Variants in RSPO2 observed in about 807,000 individuals in gnomAD.
The protein encoded by RSPO2 is R-spondin 2.
Under a neutral mutation model 30.9 loss-of-function variants are expected in RSPO2, and 14 were observed. The ratio of observed to expected loss-of-function variants is 0.45; its 90% CI spans 0.30 to 0.71. The LOEUF (loss-of-function observed/expected upper bound fraction) is 0.71. RSPO2 is among the 30% of genes least tolerant of loss of function. The probability of loss-of-function intolerance (pLI) is 0.08; values close to 1 mark genes in which losing one functional copy is unlikely to be tolerated. For synonymous variants in RSPO2, 107 were observed against 96.4 expected, an observed-to-expected ratio of 1.11 and a Z score of -0.64; for missense variants, 264 against 301.9, an observed-to-expected ratio of 0.87 and a Z score of 0.93.
chr8:107,903,468 ACCCAATAT>A (rs1811542899), intron 5 of RSPO2, among the ~76,000 whole-genome samples: 2 of 152,208 alleles, frequency 1.3e-5, no homozygotes, highest in African/African-American at 4.8e-5. Flanking sequence ...CGTTTCATTT[ACCCAATAT>A]ATTATTCTGA....
intron 2 of RSPO2, among the ~76,000 whole-genome samples, chr8:108,076,388 T>C (rs1198707480): frequency 6.6e-6 from 1 of 152,154 alleles, no homozygotes; most frequent in Non-Finnish European, 1.5e-5. Flanking sequence ...AAATGGAATG[T>C]GGCAGCACTG....
intron 5 of RSPO2, among the ~76,000 whole-genome samples, chr8:107,934,505 T>G (rs1478618015): frequency 6.6e-6 from 1 of 152,126 alleles, no homozygotes; most frequent in Non-Finnish European, 1.5e-5. Flanking sequence ...CCCAAGTAGC[T>G]GGGATTACAG....
Position 107,900,742 on chromosome 8 carries a change from T to C in RSPO2, c.*333A>G. ...GTAGCGCATTGCCTGCCAAGCATCT[T>C]CTTTCACATAAATAGGCACAAGTCC... On this transcript the variant is annotated 3_prime_UTR_variant, in exon 6 of 6. Transcript: ENST00000276659. 4.6e-6 allele frequency: 1 copy of C among 219,232 alleles called. No individual in the cohort carries two copies. Among genetic ancestry groups the C allele is most frequent in the Middle Eastern group, 1.6e-3 (1 of 636 alleles). 13.6% of individuals were successfully genotyped at this position (219,232 alleles called of 1,614,324 possible).
rs560855853 is a variant in RSPO2, at chr8:108,064,538, G to A, written c.94+18007C>T. Among the ~76,000 whole-genome samples the A allele has an allele frequency of 3.3e-5, 5 of 152,328 alleles. No individual in the cohort carries two copies. The South Asian group carries it at 1.0e-3, about 32-fold the overall frequency. ...TCAGGAAACAACAGGTGCTGGAGAG[G>A]ATGTGGAGAAATAGGAACACTTATA... On this transcript the variant is annotated intron_variant, in intron 2 of 5. Transcript: ENST00000276659.
intron 5 of RSPO2, among the ~76,000 whole-genome samples, chr8:107,928,451 C>T (rs192071742): frequency 6.6e-6 from 1 of 152,288 alleles, no homozygotes; most frequent in East Asian, 1.9e-4. Context: ...ACTGTAAAGA[C>T]TTCTCCAACA....
chr8:107,975,216 G>A (rs1039544492), intron 3 of RSPO2, among the ~76,000 whole-genome samples: 3 of 152,126 alleles, frequency 2.0e-5, no homozygotes, highest in Non-Finnish European at 4.4e-5. Context: ...ATCTTTACAT[G>A]ACTTTAAATG....
intron 5 of RSPO2, among the ~76,000 whole-genome samples, chr8:107,916,350 C>T (rs1160984953): frequency 6.6e-6 from 1 of 152,128 alleles, no homozygotes; most frequent in African/African-American, 2.4e-5. Flanking sequence ...CCATGCCCCA[C>T]CTAGTTACTA....
chr8:107,936,770 T>C (rs533143918), intron 5 of RSPO2, among the ~76,000 whole-genome samples: 5 of 152,182 alleles, frequency 3.3e-5, no homozygotes, highest in Non-Finnish European at 5.9e-5. Context: ...GTAATGTTGG[T>C]ATTTTTTCAT....
intron 3 of RSPO2, chr8:107,983,113 G>T (rs2130507541): frequency 1.4e-6 from 2 of 1,429,526 alleles, no homozygotes; most frequent in Admixed American, 2.1e-5. Flanking sequence ...TTACCCCAGG[G>T]TCTATGGAAG....
chr8:108,001,843 T>G (rs1001247673), intron 2 of RSPO2, among the ~76,000 whole-genome samples: 2 of 151,958 alleles, frequency 1.3e-5, no homozygotes, highest in African/African-American at 4.8e-5. Context: ...GGAAAACACA[T>G]GGACACAGAG....
intron 5 of RSPO2, among the ~76,000 whole-genome samples, chr8:107,957,451 T>C (rs769794136): frequency 6.6e-6 from 1 of 152,206 alleles, no homozygotes; most frequent in African/African-American, 2.4e-5. Context: ...AATTTCTAAA[T>C]GGGCCTAATC....
At chr8:107,958,460 A>G (rs1232550182) in intron 4 of RSPO2, among the ~76,000 whole-genome samples, 192 bp from the exon 5 acceptor site, 1 of 152,098 alleles carries the variant, frequency 6.6e-6, no homozygotes, top group African/African-American at 2.4e-5. Flanking sequence ...ACCATAAGAT[A>G]TTTCTATCAA....
intron 2 of RSPO2, chr8:107,996,920 A>G (rs777685825): frequency 8.8e-6 from 4 of 455,604 alleles, no homozygotes; most frequent in South Asian, 3.1e-5. Context: ...ACCCAAGTCC[A>G]TATCTTAGGT....
At chr8:107,923,243 C>T (rs1172069368) in intron 5 of RSPO2, among the ~76,000 whole-genome samples, 1 of 152,030 alleles carries the variant, frequency 6.6e-6, no homozygotes, top group Non-Finnish European at 1.5e-5. Context: ...AAAACAACCC[C>T]ATTAAAAAGT....
At chr8:108,071,107 T>C (rs540578181) in intron 2 of RSPO2, among the ~76,000 whole-genome samples, 13 of 152,242 alleles carry the variant, frequency 8.5e-5, no homozygotes, top group South Asian at 2.1e-4. Context: ...TTCATCTGAG[T>C]CACTTTCAAA....
intron 4 of RSPO2, among the ~76,000 whole-genome samples, chr8:107,959,986 AG>A (rs1813570755): frequency 6.6e-6 from 1 of 152,074 alleles, no homozygotes; most frequent in Non-Finnish European, 1.5e-5. Context: ...AATTCTGGGG[AG>A]GGGGCATGAC....
At chr8:108,072,918 C>T (rs1563591840) in intron 2 of RSPO2, 1 of 152,148 alleles carries the variant, frequency 6.6e-6, no homozygotes, top group East Asian at 1.9e-4. Context: ...CCAAATTTCA[C>T]CAGTTGCTTA....
chr8:107,959,810 T>A (rs954562778), intron 4 of RSPO2, among the ~76,000 whole-genome samples: 1 of 152,204 alleles, frequency 6.6e-6, no homozygotes, highest in African/African-American at 2.4e-5. Context: ...AAAAACCACT[T>A]GTTTAAATGT....
chr8:107,935,133 A>T (rs1332251239), intron 5 of RSPO2, among the ~76,000 whole-genome samples: 1 of 152,126 alleles, frequency 6.6e-6, no homozygotes, highest in Non-Finnish European at 1.5e-5. Flanking sequence ...TACAAAAGTG[A>T]ATAGGAGAAA....
Sources: gnomAD v4.1 joint callset for allele counts (sites outside exome capture counted in the v4.1 genomes callset) on GRCh38, gnomAD v4.1.1 for gene constraint, MANE v1.5 for transcripts, NCBI Gene and HGNC (gene_info 2026-07-23, HGNC 2026-07-21) for gene names.